The following ERAP1 variants were observed in gnomAD, a reference collection of about 807,000 sequenced individuals.
The protein encoded by ERAP1 is adipocyte-derived leucine aminopeptidase.
ERAP1 carries 86 observed loss-of-function variants against 103.7 expected under a neutral mutation model. The observed-to-expected ratio is 0.83, with a 90% CI of 0.70 to 0.99. ERAP1 has a LOEUF of 0.99. ERAP1 is among the 50% of genes least tolerant of loss of function. The pLI is 0.00. For missense variants in ERAP1, 1,009 were observed against 1,128.4 expected, an observed-to-expected ratio of 0.89 and a Z score of 1.52; for synonymous variants, 398 against 402.4, an observed-to-expected ratio of 0.99 and a Z score of 0.13.
the ERAP1 span, chr5:96,913,383 G>A: frequency 2.5e-6 from 4 of 1,613,978 alleles, no homozygotes; most frequent in Non-Finnish European, 3.4e-6. Flanking sequence ...TCCTTCATGC[G>A]ATTGCCAGAC....
At chr5:96,928,480 T>C in the ERAP1 span, among the ~76,000 whole-genome samples, 1 of 152,164 alleles carries the variant, frequency 6.6e-6, no homozygotes. Context: ...AGGAAGAATG[T>C]CATGTGAACA....
chr5:96,865,822 A>G, the ERAP1 span, among the ~76,000 whole-genome samples: 3 of 152,212 alleles, frequency 2.0e-5, no homozygotes, highest in South Asian at 2.1e-4. Context: ...CTTCATTTAC[A>G]TATGGTCAAA....
chr5:96,781,946 C>T lies in ERAP1; in HGVS notation c.2286-92G>A, dbSNP rs1357701954. The T allele has an allele frequency of 4.9e-6, 6 of 1,231,494 alleles. No homozygotes were observed. The East Asian group carries it at 1.4e-4, about 29-fold the overall frequency. The allele number at this position is 1,231,494 out of a possible 1,614,324, so 76.3% of individuals were successfully genotyped here. ...ACTAACTATGAACTGCTGAACTTTC[C>T]CCATGATCAGAGAAGCATGCCTGGA... On this transcript the variant is annotated intron_variant, in intron 15 of 18. Transcript: ENST00000443439.
the ERAP1 span, chr5:96,889,101 C>G: frequency 6.6e-7 from 1 of 1,511,880 alleles, no homozygotes; most frequent in Non-Finnish European, 9.1e-7. Flanking sequence ...ATACAGTCTG[C>G]CTTTCTGTGT....
At chr5:96,824,237 T>G in the ERAP1 span, among the ~76,000 whole-genome samples, 2 of 152,240 alleles carry the variant, frequency 1.3e-5, no homozygotes, top group African/African-American at 4.8e-5. Context: ...GATGTTCAAA[T>G]GTTCATCCCC....
At chr5:96,900,004 T>C in the ERAP1 span, 1 of 1,218,062 alleles carries the variant, frequency 8.2e-7, no homozygotes, top group Non-Finnish European at 1.2e-6. Flanking sequence ...CATTATCATG[T>C]CTGGATGAAT....
At chr5:96,920,394 T>C in the ERAP1 span, among the ~76,000 whole-genome samples, 1 of 152,194 alleles carries the variant, frequency 6.6e-6, no homozygotes, top group East Asian at 1.9e-4. Flanking sequence ...TTCCTTGTTA[T>C]GACATTGAGC....
At chr5:96,874,506 T>C in the ERAP1 span, among the ~76,000 whole-genome samples, 6 of 152,238 alleles carry the variant, frequency 3.9e-5, no homozygotes, top group African/African-American at 1.4e-4. Context: ...AGATAAGCCC[T>C]TGGGGCCTCC....
the ERAP1 span, among the ~76,000 whole-genome samples, chr5:96,912,262 C>CT: frequency 8.1e-5 from 12 of 147,392 alleles, no homozygotes; most frequent in African/African-American, 2.9e-4. Context: ...AAGTAATCAT[C>CT]TTTAAAAAAA....
the ERAP1 span, among the ~76,000 whole-genome samples, chr5:96,816,430 C>G: frequency 6.6e-6 from 1 of 152,148 alleles, no homozygotes; most frequent in African/African-American, 2.4e-5. Flanking sequence ...GCACCTACCC[C>G]GCCTCTGCAG....
At chr5:96,812,036 C>CT (rs1391839661), upstream of ERAP1, among the ~76,000 whole-genome samples, 2 of 152,186 alleles carry the variant, frequency 1.3e-5, no homozygotes, top group Admixed American at 1.3e-4. Context: ...TGACATATTT[C>CT]TTAAATTTGT....
At chr5:96,767,109 T>C (rs1208943699) in intron 19 of ERAP1, among the ~76,000 whole-genome samples, 2 of 152,222 alleles carry the variant, frequency 1.3e-5, no homozygotes, top group Admixed American at 6.5e-5. Flanking sequence ...GTAAATAAGA[T>C]GTAAAAACAC....
the ERAP1 span, among the ~76,000 whole-genome samples, chr5:96,895,674 CT>C: frequency 6.6e-6 from 1 of 152,148 alleles, no homozygotes; most frequent in Non-Finnish European, 1.5e-5. Flanking sequence ...ATGCTCATGG[CT>C]ACTAGGTACT....
chr5:96,830,741 C>A, the ERAP1 span, among the ~76,000 whole-genome samples: 4 of 152,134 alleles, frequency 2.6e-5, no homozygotes, highest in African/African-American at 9.7e-5. Flanking sequence ...AGGGAACAAT[C>A]AACATAAAGT....
Position 96,785,775 on chromosome 5 carries a change from C to T in ERAP1, c.1943+13G>A, listed in dbSNP as rs780359628. On this transcript the variant is annotated intron_variant, in intron 13 of 18. Coordinates refer to ENST00000443439, the MANE Select transcript of ERAP1 (RefSeq NM_001040458.3). ...TTCAGAAATAAACCGCGACTTTGTG[C>T]AGCGTGTATTACCTGACGAGCTGAA... The T allele has an allele frequency of 1.2e-6, 2 of 1,613,660 alleles. No homozygotes were observed. The highest frequency in any genetic ancestry group is 1.7e-6 in the Non-Finnish European group (2 of 1,179,598).
the ERAP1 span, chr5:96,913,343 A>ATTCT: frequency 6.2e-7 from 1 of 1,614,074 alleles, no homozygotes; most frequent in Middle Eastern, 1.6e-4. Flanking sequence ...ATGGAAGGAA[A>ATTCT]GGTTATCAAG....
downstream of ERAP1, among the ~76,000 whole-genome samples, chr5:96,771,288 G>A (rs1416156259): frequency 6.6e-6 from 1 of 152,094 alleles, no homozygotes; most frequent in African/African-American, 2.4e-5. Flanking sequence ...AACCCTTTAT[G>A]ATGAGTGGAT....
intron 19 of ERAP1, chr5:96,767,530 C>A: frequency 6.9e-7 from 1 of 1,447,524 alleles, no homozygotes; most frequent in African/African-American, 1.4e-5. Flanking sequence ...TTTATTCTAG[C>A]CATAGGGGTA....
the ERAP1 span, chr5:96,813,884 T>G: frequency 5.7e-6 from 1 of 175,954 alleles, no homozygotes; most frequent in Non-Finnish European, 1.2e-5. Flanking sequence ...CCAACTGTTA[T>G]GGTATTTGTT....
Sources: allele counts gnomAD v4.1 joint callset (sites outside exome capture counted in the v4.1 genomes callset), GRCh38; gene constraint gnomAD v4.1.1; transcripts MANE v1.5; gene names NCBI Gene and HGNC (gene_info 2026-07-23, HGNC 2026-07-21).